NMNAT2: variants seen among roughly 807,000 people sequenced by gnomAD.
NMNAT2 encodes the protein nicotinamide nucleotide adenylyltransferase 2.
In NMNAT2, 11 loss-of-function variants were observed where a neutral mutation model predicts 41.6. The observed-to-expected ratio is 0.26, with a 90% CI of 0.17 to 0.44. NMNAT2 has a LOEUF of 0.44. NMNAT2 is among the 20% of genes least tolerant of loss of function. The probability of loss-of-function intolerance (pLI) is 1.00; values close to 1 mark genes in which losing one functional copy is unlikely to be tolerated. For missense variants in NMNAT2, 288 were observed against 407.7 expected, an observed-to-expected ratio of 0.71 and a Z score of 2.53; for synonymous variants, 148 against 151.2, an observed-to-expected ratio of 0.98 and a Z score of 0.16.
intron 1 of NMNAT2, among the ~76,000 whole-genome samples, chr1:183,318,716 C>G (rs1370306077): frequency 6.6e-6 from 1 of 152,180 alleles, no homozygotes; most frequent in East Asian, 1.9e-4. Flanking sequence ...TGTAGAGACA[C>G]ACATCAAACA....
chr1:183,359,752 G>T (rs537392142), intron 1 of NMNAT2, among the ~76,000 whole-genome samples: 1 of 152,298 alleles, frequency 6.6e-6, no homozygotes, highest in East Asian at 1.9e-4. Context: ...GACACGTGTG[G>T]CTCAGAGTCC....
intron 1 of NMNAT2, among the ~76,000 whole-genome samples, chr1:183,306,590 G>A (rs1034388361): frequency 2.0e-5 from 3 of 152,208 alleles, no homozygotes; most frequent in Admixed American, 6.5e-5. Context: ...CATTGAAAAC[G>A]TACCATGTGT....
At chr1:183,395,674 G>A (rs1648617897) in intron 1 of NMNAT2, among the ~76,000 whole-genome samples, 1 of 152,132 alleles carries the variant, frequency 6.6e-6, no homozygotes, top group African/African-American at 2.4e-5. Context: ...GAGGTCCAAG[G>A]AGGTGCCTTA....
At chr1:183,300,417 GAA>G (rs59973277) in intron 1 of NMNAT2, among the ~76,000 whole-genome samples, 1 of 139,554 alleles carries the variant, frequency 7.2e-6, no homozygotes, top group African/African-American at 2.7e-5. Context: ...CTAAAAAAAA[GAA>G]AAAAAAAAAA....
intron 1 of NMNAT2, among the ~76,000 whole-genome samples, chr1:183,387,883 A>G (rs1648305818): frequency 6.6e-5 from 10 of 152,248 alleles, no homozygotes; most frequent in Admixed American, 6.5e-4. Flanking sequence ...GGGAGTCAGG[A>G]GGTAGATTCT....
intron 1 of NMNAT2, chr1:183,304,819 C>G: frequency 6.2e-7 from 1 of 1,604,534 alleles, no homozygotes; most frequent in East Asian, 2.2e-5. Flanking sequence ...TGCAGCTGCT[C>G]CCTCATTGTT....
At chr1:183,351,861 C>A (rs1472286132) in intron 1 of NMNAT2, among the ~76,000 whole-genome samples, 1 of 152,082 alleles carries the variant, frequency 6.6e-6, no homozygotes, top group African/African-American at 2.4e-5. Context: ...ATCAACTCAT[C>A]CTAAGAGAAT....
At chr1:183,262,381 T>C (rs866081695) in intron 8 of NMNAT2, among the ~76,000 whole-genome samples, 1 of 152,162 alleles carries the variant, frequency 6.6e-6, no homozygotes, top group African/African-American at 2.4e-5. Context: ...TGTATATCTG[T>C]AGTTTTTTCT....
intron 1 of NMNAT2, among the ~76,000 whole-genome samples, chr1:183,344,865 T>A (rs1299901728): frequency 6.6e-6 from 1 of 152,212 alleles, no homozygotes; most frequent in Non-Finnish European, 1.5e-5. Flanking sequence ...TTAGTGATGA[T>A]GTAGCTTAGA....
intron 1 of NMNAT2, among the ~76,000 whole-genome samples, chr1:183,382,251 T>C (rs1663816119): frequency 6.6e-6 from 1 of 152,160 alleles, no homozygotes; most frequent in South Asian, 2.1e-4. Flanking sequence ...GAACTCACTA[T>C]CATGAGAACA....
At chr1:183,381,114 C>T (rs1663794482) in intron 1 of NMNAT2, among the ~76,000 whole-genome samples, 1 of 152,088 alleles carries the variant, frequency 6.6e-6, no homozygotes, top group Non-Finnish European at 1.5e-5. Context: ...GGCAGAAAAT[C>T]TCTAGGAAGG....
chr1:183,260,302 G>T (rs1660624676), intron 10 of NMNAT2, among the ~76,000 whole-genome samples: 1 of 152,186 alleles, frequency 6.6e-6, no homozygotes, highest in Non-Finnish European at 1.5e-5. Flanking sequence ...GCTTCATATG[G>T]ATGAGGCCAT....
Position 183,286,763 on chromosome 1 carries a change from T to C in NMNAT2, c.347A>G (p.Asn116Ser). The C allele has an allele frequency of 2.5e-6, 4 of 1,610,722 alleles. No homozygotes were observed. The highest frequency in any genetic ancestry group is 3.4e-6 in the Non-Finnish European group (4 of 1,178,526). The change falls in exon 5 of 11, where the codon AAT becomes AGT. Residue 116 changes from asparagine (N) to serine (S), a missense_variant. Asn to Ser is a conservative substitution (Grantham distance 46, BLOSUM62 1). This residue lies in a region of NMNAT2 where 100 missense variants were observed against 168.5 expected (regional missense o/e 0.59). Transcript: ENST00000287713. The stretch of plus-strand genomic sequence containing the variant: ...AGGTGTCATGGAAGGTGTGTTGACA[T>C]TGGAGAGGATGCAGCCAGTCACCCT... Reference protein sequence around the residue: ...MKRVTGCILSNVNTPSMTPVI... With the variant: ...MKRVTGCILSSVNTPSMTPVI...
At chr1:183,340,564 T>G (rs992446915) in intron 1 of NMNAT2, among the ~76,000 whole-genome samples, 3 of 152,192 alleles carry the variant, frequency 2.0e-5, no homozygotes, top group Admixed American at 2.0e-4. Flanking sequence ...CCTCGGGTGA[T>G]CCGCCTGCCT....
intron 1 of NMNAT2, among the ~76,000 whole-genome samples, chr1:183,314,888 A>G (rs1376779146): frequency 3.9e-5 from 6 of 152,186 alleles, no homozygotes; most frequent in Admixed American, 2.6e-4. Context: ...TTAAAGACAA[A>G]CCAACCAACA....
At chr1:183,387,751 G>T (rs1327769992) in intron 1 of NMNAT2, among the ~76,000 whole-genome samples, 2 of 152,078 alleles carry the variant, frequency 1.3e-5, no homozygotes, top group African/African-American at 2.4e-5. Flanking sequence ...CCATCTCCAG[G>T]GTCCATCTCA....
rs114076422 is a variant in NMNAT2 at position 183,375,570 on chromosome 1, G to A, written c.85+42613C>T. Among the ~76,000 whole-genome samples the A allele has an allele frequency of 5.0e-3, 768 of 152,230 alleles. 5 individuals are homozygous for A. The highest frequency in any genetic ancestry group is 7.0e-3 in the Non-Finnish European group (477 of 68,018). On this transcript the variant is annotated intron_variant, in intron 1 of 10. Transcript: ENST00000287713. ...TCACTTTCTCTAAGAAAACTTCTTG[G>A]ATTTCCCCAAGTCAGCATTAATTCT...
At position 183,397,343 on chromosome 1, in the gene NMNAT2, C is replaced by T. The variant is rs911950359; in HGVS notation, c.85+20840G>A. On this transcript the variant is annotated intron_variant, in intron 1 of 10. Coordinates refer to ENST00000287713, the MANE Select transcript of NMNAT2 (RefSeq NM_015039.4). The stretch of plus-strand genomic sequence containing the variant: ...TGAAGATTAAATGAACGAAATGAAG[C>T]GAGAAAAGAACTTTAGAGAAAAAAG... 3.9e-4 allele frequency among the ~76,000 whole-genome samples: 59 copies of T among 151,718 alleles called. 1 individual carries two copies. Among genetic ancestry groups the T allele is most frequent in the Admixed American group, 3.6e-3 (55 of 15,196 alleles).
At chr1:183,408,655 T>C (rs1207189928) in intron 1 of NMNAT2, among the ~76,000 whole-genome samples, 1 of 152,202 alleles carries the variant, frequency 6.6e-6, no homozygotes, top group Non-Finnish European at 1.5e-5. Context: ...TAGGAAAAAC[T>C]GGGGCCTTTA....
Sources: allele counts gnomAD v4.1 joint callset (sites outside exome capture counted in the v4.1 genomes callset), GRCh38; gene constraint gnomAD v4.1.1; regional missense constraint gnomAD v4.1.1; transcripts MANE v1.5; gene names NCBI Gene and HGNC (gene_info 2026-07-23, HGNC 2026-07-21).